TENM4: variants seen among roughly 807,000 people sequenced by gnomAD.
TENM4 encodes teneurin transmembrane protein 4, also known as teneurin-4.
Under a neutral mutation model 243.3 loss-of-function variants are expected in TENM4, and 82 were observed. The observed-to-expected ratio is 0.34, with a 90% CI of 0.28 to 0.40. The LOEUF (loss-of-function observed/expected upper bound fraction) is 0.40. Ranked by LOEUF, TENM4 falls within the 10% of genes least tolerant of loss-of-function variation. The pLI, the probability that TENM4 is intolerant of heterozygous loss-of-function variation, is 1.00. For synonymous variants in TENM4, 1,412 were observed against 1,456.3 expected (o/e 0.97, Z 0.69); for missense variants, 3,138 against 3,673.3 (o/e 0.85, Z 3.77).
At chr11:79,008,021 T>A (rs1361916642) in intron 6 of TENM4, among the ~76,000 whole-genome samples, 2 of 152,094 alleles carry the variant, frequency 1.3e-5, no homozygotes, top group African/African-American at 4.8e-5. Context: ...GTGAATGGGA[T>A]TTTTATGAGG....
At chr11:78,974,200 A>T (rs982654818) in intron 6 of TENM4, among the ~76,000 whole-genome samples, 5 of 152,234 alleles carry the variant, frequency 3.3e-5, no homozygotes, top group Non-Finnish European at 1.5e-5. Flanking sequence ...TGGTAATTCC[A>T]CATATAGTGG....
At chr11:79,348,231 T>C (rs192204698) in intron 1 of TENM4, among the ~76,000 whole-genome samples, 160 of 152,330 alleles carry the variant, frequency 1.1e-3, no homozygotes, top group African/African-American at 3.8e-3. Flanking sequence ...TGAATATCTT[T>C]CACGTTCTGG....
chr11:78,658,182 A>T lies in TENM4; in HGVS notation c.8186T>A (p.Leu2729Gln). 1.2e-6 allele frequency: 2 copies of T among 1,614,028 alleles called. No homozygotes were observed. Among genetic ancestry groups the T allele is most frequent in the Non-Finnish European group, 1.7e-6 (2 of 1,179,898 alleles). Residue 2729 changes from leucine to glutamine, a missense_variant, in exon 34 of 34, where the codon CTG becomes CAG. Leu to Gln is a moderately radical substitution (Grantham distance 113, BLOSUM62 -2). Coordinates refer to ENST00000278550, the MANE Select transcript of TENM4 (RefSeq NM_001098816.3). Reference sequence around the variant, plus strand: ...GTAGCCTTGCACCCGCCCTGTGCTCAGCACCTGCTGCTTCTCCCCCTCTGT... The same window carrying T: ...GTAGCCTTGCACCCGCCCTGTGCTCTGCACCTGCTGCTTCTCCCCCTCTGT... The part of the protein sequence containing the change: ...AWTEGEKQQV[L>Q]STGRVQGYDG...
intron 1 of TENM4, among the ~76,000 whole-genome samples, chr11:79,329,991 C>T (rs892246258): frequency 5.9e-5 from 9 of 152,146 alleles, no homozygotes; most frequent in Non-Finnish European, 1.2e-4. Flanking sequence ...GTGGCATTGA[C>T]TAAAATGGTA....
At chr11:78,902,448 G>C (rs142849955) in intron 7 of TENM4, among the ~76,000 whole-genome samples, 12 of 152,298 alleles carry the variant, frequency 7.9e-5, no homozygotes, top group African/African-American at 2.6e-4. Context: ...CAGGGCAGAG[G>C]GATCCCGGCC....
chr11:78,849,786 A>C (rs1296068664), intron 12 of TENM4, among the ~76,000 whole-genome samples: 1 of 152,224 alleles, frequency 6.6e-6, no homozygotes, highest in Non-Finnish European at 1.5e-5. Flanking sequence ...AGGTGATAAT[A>C]AAAATAAGAA....
intron 4 of TENM4, among the ~76,000 whole-genome samples, chr11:79,091,432 C>A (rs1860947347): frequency 6.6e-6 from 1 of 152,168 alleles, no homozygotes; most frequent in African/African-American, 2.4e-5. Context: ...AATCTCTCAT[C>A]CTGCCTGCAT....
chr11:79,159,801 T>A (rs1400032856), intron 3 of TENM4, among the ~76,000 whole-genome samples: 1 of 152,210 alleles, frequency 6.6e-6, no homozygotes, highest in Non-Finnish European at 1.5e-5. Context: ...TTCTACTTAA[T>A]ACTGACTCAG....
At chr11:78,838,519 G>C (rs963321135) in intron 12 of TENM4, among the ~76,000 whole-genome samples, 7 of 152,088 alleles carry the variant, frequency 4.6e-5, no homozygotes, top group South Asian at 2.1e-4. Flanking sequence ...CCCTCTTCTA[G>C]CTTGACTTTT....
chr11:78,891,714 G>A (rs933262977), intron 7 of TENM4, among the ~76,000 whole-genome samples: 1 of 152,290 alleles, frequency 6.6e-6, no homozygotes, highest in South Asian at 2.1e-4. Flanking sequence ...GAGATGTGGA[G>A]AGGTAATGGG....
In TENM4 at chr11:79,064,719, G is replaced by T; in HGVS notation, c.493+19C>A. The stretch of plus-strand genomic sequence containing the variant: ...CCCCACCACCCAGGCACCCGGCACA[G>T]ACCAAACCAGCCACTCACCAGTCTC... On this transcript the variant is annotated intron_variant, in intron 6 of 33. Coordinates refer to ENST00000278550, the MANE Select transcript of TENM4 (RefSeq NM_001098816.3). 1 of 1,551,412 alleles carries T rather than the reference G, an allele frequency of 6.4e-7. No homozygotes were observed. The highest frequency in any genetic ancestry group is 1.2e-5 in the South Asian group (1 of 83,946).
rs1278100453 is a variant in TENM4, at chr11:79,081,963, T to C, written c.-65-11954A>G. Among the ~76,000 whole-genome samples the C allele has an allele frequency of 3.9e-5, 6 of 152,272 alleles. No individual in the cohort carries two copies. In the East Asian group the frequency reaches 7.7e-4, roughly 20 times the overall value. ...GGCTCTTAGAGCAGGTGGGTTGTCC[T>C]TGGGAAAGTCCCTGCATTGCTCTGT... On this transcript the variant is annotated intron_variant, in intron 4 of 33. Transcript: ENST00000278550.
At chr11:79,388,750 A>G (rs1412399106) in intron 1 of TENM4, among the ~76,000 whole-genome samples, 1 of 152,230 alleles carries the variant, frequency 6.6e-6, no homozygotes, top group Non-Finnish European at 1.5e-5. Flanking sequence ...GGAGGGTTCC[A>G]AGAGGTAAAT....
chr11:79,284,022 ATAT>A (rs1467862677), intron 2 of TENM4, among the ~76,000 whole-genome samples: 2 of 152,216 alleles, frequency 1.3e-5, no homozygotes, highest in African/African-American at 4.8e-5. Flanking sequence ...TGTATACTAA[ATAT>A]TATAAAACAG....
intron 1 of TENM4, among the ~76,000 whole-genome samples, chr11:79,348,659 G>A (rs1857368276): frequency 6.6e-6 from 1 of 152,196 alleles, no homozygotes; most frequent in Non-Finnish European, 1.5e-5. Flanking sequence ...CCATCTGCAA[G>A]CTGGGGAGAA....
intron 6 of TENM4, among the ~76,000 whole-genome samples, chr11:78,957,543 A>G (rs1436891221): frequency 4.6e-5 from 7 of 152,244 alleles, no homozygotes; most frequent in Non-Finnish European, 7.3e-5. Context: ...CAAACATGGC[A>G]GTGTTTCCCA....
chr11:79,428,638 G>GC (rs1859104234), intron 1 of TENM4, among the ~76,000 whole-genome samples: 1 of 152,222 alleles, frequency 6.6e-6, no homozygotes, highest in Non-Finnish European at 1.5e-5. Context: ...GCATTTCCCA[G>GC]CACTCAGAAG....
intron 1 of TENM4, among the ~76,000 whole-genome samples, chr11:79,321,853 A>G (rs1856896346): frequency 6.6e-6 from 1 of 152,094 alleles, no homozygotes; most frequent in Admixed American, 6.5e-5. Flanking sequence ...TCACATTATC[A>G]ATGACTGTTT....
At chr11:79,145,354 C>T (rs1344258418) in intron 4 of TENM4, among the ~76,000 whole-genome samples, 2 of 152,026 alleles carry the variant, frequency 1.3e-5, no homozygotes, top group Non-Finnish European at 2.9e-5. Context: ...AATTAAAAGG[C>T]AGAATGTGAC....
Sources: allele counts gnomAD v4.1 joint callset (sites outside exome capture counted in the v4.1 genomes callset), GRCh38; gene constraint gnomAD v4.1.1; transcripts MANE v1.5; gene names NCBI Gene and HGNC (gene_info 2026-07-23, HGNC 2026-07-21).